Variants in CDK12 observed in about 807,000 individuals in gnomAD.
The protein encoded by CDK12 is cyclin-dependent kinase 12.
A neutral mutation model predicts 133.8 loss-of-function variants in CDK12; 17 were observed. The observed-to-expected ratio is 0.13, with a 90% CI of 0.09 to 0.19. CDK12 has a LOEUF of 0.19. CDK12 is among the 10% of genes least tolerant of loss of function. The pLI, the probability that CDK12 is intolerant of heterozygous loss-of-function variation, is 1.00. For synonymous variants in CDK12, 694 were observed against 683.6 expected, an observed-to-expected ratio of 1.02 and a Z score of -0.24; for missense variants, 1,508 against 1,818.7, an observed-to-expected ratio of 0.83 and a Z score of 3.11.
At chr17:39,507,370 T>G (rs1053199220) in intron 6 of CDK12, among the ~76,000 whole-genome samples, 1 of 150,648 alleles carries the variant, frequency 6.6e-6, no homozygotes, top group African/African-American at 2.4e-5. Context: ...GCGGATCACC[T>G]GAGGTAGGGA....
chr17:39,565,413 CTGTTTGTT>C (rs5820296), downstream of CDK12, among the ~76,000 whole-genome samples: 117 of 144,860 alleles, frequency 8.1e-4, no homozygotes, highest in East Asian at 8.9e-3. Flanking sequence ...CGCACCCAGC[CTGTTTGTT>C]TGTTTGTTTG....
chr17:39,468,822 T>A (rs532644844), intron 1 of CDK12, among the ~76,000 whole-genome samples: 90 of 151,264 alleles, frequency 5.9e-4, no homozygotes, highest in East Asian at 1.8e-3. Context: ...TTTATTTATT[T>A]ATTTATTTTG....
rs1279133203 is a variant in CDK12 at position 39,461,886 on chromosome 17, C to G, written c.-186C>G. 1.0e-5 allele frequency: 6 copies of G among 601,166 alleles called. No individual in the cohort carries two copies. The highest frequency in any genetic ancestry group is 1.5e-5 in the Non-Finnish European group (5 of 335,648). The allele number at this position is 601,166 out of a possible 1,614,324, so 37.2% of individuals were successfully genotyped here. ...ATTTCTTCCCTCGCTCCTTCACCCCCCACCTCATGTAGAAGGGTGCTGAGG... is the reference window on the plus strand; with the variant it reads ...ATTTCTTCCCTCGCTCCTTCACCCCGCACCTCATGTAGAAGGGTGCTGAGG... On this transcript the variant is annotated 5_prime_UTR_variant, in exon 1 of 14. Transcript: ENST00000447079.
intron 10 of CDK12, 40 bp from the exon 11 acceptor site, chr17:39,519,916 G>T (rs757265638): frequency 3.1e-6 from 5 of 1,612,078 alleles, no homozygotes; most frequent in South Asian, 1.1e-5. Context: ...AGAACTGTAG[G>T]GTCATTGTGA....
At chr17:39,544,137 C>G (rs1164615857), upstream of CDK12, 4 of 464,336 alleles carry the variant, frequency 8.6e-6, no homozygotes, top group African/African-American at 7.9e-5. Flanking sequence ...GTGCTAACAT[C>G]ACCGTCACTG....
chr17:39,510,103 A>G (rs1457592032), intron 7 of CDK12, among the ~76,000 whole-genome samples: 1 of 148,966 alleles, frequency 6.7e-6, no homozygotes, highest in Non-Finnish European at 1.5e-5. Flanking sequence ...CACCTGGGCA[A>G]CAATCTCTCT....
intron 7 of CDK12, 69 bp downstream of exon 7, chr17:39,509,830 C>T (rs1312101171): frequency 1.6e-6 from 2 of 1,216,270 alleles, no homozygotes; most frequent in Non-Finnish European, 2.4e-6. Context: ...GAGGCAGGAT[C>T]TTATTCTGTT....
At chr17:39,538,523 A>G (rs772209772), downstream of CDK12, among the ~76,000 whole-genome samples, 1 of 152,232 alleles carries the variant, frequency 6.6e-6, no homozygotes, top group Non-Finnish European at 1.5e-5. Flanking sequence ...GGTACCTGCT[A>G]TGTGTCAGGC....
At chr17:39,497,184 G>A (rs1009539895) in intron 5 of CDK12, among the ~76,000 whole-genome samples, 2 of 152,006 alleles carry the variant, frequency 1.3e-5, no homozygotes, top group East Asian at 1.9e-4. Context: ...CGCCCACCTC[G>A]GCCTCCCAAA....
chr17:39,469,794 C>T (rs1270843866), intron 1 of CDK12, among the ~76,000 whole-genome samples: 2 of 151,956 alleles, frequency 1.3e-5, no homozygotes, highest in African/African-American at 2.4e-5. Flanking sequence ...CCCACCACAA[C>T]GCCTGGCTAA....
intron 6 of CDK12, among the ~76,000 whole-genome samples, chr17:39,502,249 T>C (rs2052773081): frequency 1.3e-5 from 2 of 152,022 alleles, no homozygotes; most frequent in African/African-American, 4.8e-5. Flanking sequence ...GCCTCCCAGG[T>C]TCGTGCCATT....
intron 4 of CDK12, among the ~76,000 whole-genome samples, chr17:39,493,344 A>G (rs903213836): frequency 1.3e-5 from 2 of 150,450 alleles, no homozygotes; most frequent in African/African-American, 2.4e-5. Context: ...TTGCGCTGTC[A>G]TCCAGTCTGG....
downstream of CDK12, among the ~76,000 whole-genome samples, chr17:39,536,723 T>C (rs1466631724): frequency 6.6e-6 from 1 of 152,212 alleles, no homozygotes; most frequent in Non-Finnish European, 1.5e-5. Flanking sequence ...CAAAACACTT[T>C]GACCACTGGA....
At chr17:39,505,883 G>A (rs1247555863) in intron 6 of CDK12, among the ~76,000 whole-genome samples, 2 of 152,164 alleles carry the variant, frequency 1.3e-5, no homozygotes, top group African/African-American at 2.4e-5. Flanking sequence ...CCAATTGCTA[G>A]ATATACTAAG....
chr17:39,474,955 C>T (rs2050076435), intron 2 of CDK12, among the ~76,000 whole-genome samples: 1 of 151,626 alleles, frequency 6.6e-6, no homozygotes, highest in South Asian at 2.1e-4. Context: ...TGCCTCAGCT[C>T]CTCTGAGTAG....
chr17:39,492,164 T>A (rs1232341880), intron 3 of CDK12, among the ~76,000 whole-genome samples: 2 of 150,834 alleles, frequency 1.3e-5, no homozygotes, highest in Non-Finnish European at 3.0e-5. Flanking sequence ...TGGCGTGACC[T>A]TGGCTCACTG....
At chr17:39,482,280 A>G (rs1254798858) in intron 2 of CDK12, among the ~76,000 whole-genome samples, 2 of 151,770 alleles carry the variant, frequency 1.3e-5, no homozygotes, top group African/African-American at 4.8e-5. Context: ...TCAGAGTGCT[A>G]GGATTACAGG....
intron 1 of CDK12, among the ~76,000 whole-genome samples, chr17:39,466,637 A>G (rs1288241050): frequency 6.0e-5 from 7 of 117,224 alleles, no homozygotes; most frequent in African/African-American, 1.8e-4. Context: ...AAAAAAAAAA[A>G]AAAAAAAAAA....
chr17:39,494,757 T>TTTTCTTTC, intron 5 of CDK12, 63 bp downstream of exon 5: 1 of 1,246,532 alleles, frequency 8.0e-7, no homozygotes, highest in Non-Finnish European at 1.1e-6. Context: ...TTCTTTTTTT[T>TTTTCTTTC]TTTCTTTCTT....
Sources: allele counts gnomAD v4.1 joint callset (sites outside exome capture counted in the v4.1 genomes callset), GRCh38; gene constraint gnomAD v4.1.1; transcripts MANE v1.5; gene names NCBI Gene and HGNC (gene_info 2026-07-23, HGNC 2026-07-21).